The following RPE65 variants were observed in gnomAD, a reference collection of about 807,000 sequenced individuals.
The protein encoded by RPE65 is retinoid isomerohydrolase.
Under a neutral mutation model 68.5 loss-of-function variants are expected in RPE65, and 58 were observed. The ratio of observed to expected loss-of-function variants is 0.85; its 90% CI spans 0.69 to 1.05. The LOEUF (loss-of-function observed/expected upper bound fraction) is 1.05. Ranked by LOEUF, RPE65 falls within the 50% of genes least tolerant of loss-of-function variation. The probability of loss-of-function intolerance (pLI) is 0.00; values close to 1 mark genes in which losing one functional copy is unlikely to be tolerated. For synonymous variants in RPE65, 220 were observed against 222.2 expected (o/e 0.99, Z 0.09); for missense variants, 643 against 629.9 (o/e 1.02, Z -0.22).
chr1:68,446,406 A>AT (rs1645943584), intron 3 of RPE65, among the ~76,000 whole-genome samples: 2 of 152,168 alleles, frequency 1.3e-5, no homozygotes, highest in Admixed American at 1.3e-4. Flanking sequence ...CATTTTACTA[A>AT]TTATAAAACC....
Position 68,429,435 on chromosome 1 carries a change from A to G in RPE65, c.*341T>C, listed in dbSNP as rs74084042. ...TTTGGTTTTTAAATGTTAAAAATAT[A>G]ATTGGAGCAGATAGGTACCTAAAAT... On this transcript the variant is annotated 3_prime_UTR_variant, in exon 14 of 14. Coordinates refer to ENST00000262340, the MANE Select transcript of RPE65 (RefSeq NM_000329.3). 4.8e-3 allele frequency: 1,352 copies of G among 283,492 alleles called. 14 individuals are homozygous for G. The highest frequency in any genetic ancestry group is 0.028 in the African/African-American group (1,243 of 44,500). The allele number at this position is 283,492 out of a possible 1,614,324, so 17.6% of individuals were successfully genotyped here.
chr1:68,448,508 G>A (rs960530106), intron 2 of RPE65, 116 bp downstream of exon 2: 8 of 924,704 alleles, frequency 8.7e-6, no homozygotes, highest in Non-Finnish European at 1.4e-5. Flanking sequence ...CAAACCACCT[G>A]ATCCCTCTCC....
chr1:68,438,163 G>C, intron 10 of RPE65, 24 bp downstream of exon 10: 1 of 1,613,410 alleles, frequency 6.2e-7, no homozygotes, highest in Non-Finnish European at 8.5e-7. Flanking sequence ...GGTTAAATCT[G>C]AAATCTACAG....
Position 68,448,678 on chromosome 1 carries a change from T to C in RPE65, c.40A>G (p.Lys14Glu). ...AGTTCCTCCACAGTTTCAAACAGTT[T>C]CTTGTAACCACCAGCAGGATGCTCA... ...QVEHPAGGYK[K>E]LFETVEELSS... The change falls in exon 2 of 14, where the codon AAA (lysine) becomes GAA (glutamate). Residue 14 changes from lysine to glutamate, a missense_variant. Coordinates refer to ENST00000262340, the MANE Select transcript of RPE65 (RefSeq NM_000329.3). The C allele has an allele frequency of 1.2e-6, 2 of 1,613,762 alleles. No individual in the cohort carries two copies. Among genetic ancestry groups the C allele is most frequent in the Non-Finnish European group, 1.7e-6 (2 of 1,179,906 alleles).
chr1:68,444,969 T>C lies in RPE65; in HGVS notation c.246-86A>G, dbSNP rs1013211877. 7.4e-6 allele frequency: 8 copies of C among 1,082,340 alleles called. No homozygotes were observed. The Middle Eastern group carries it at 6.0e-4, about 82-fold the overall frequency. The allele number at this position is 1,082,340 out of a possible 1,614,324, so 67.0% of individuals were successfully genotyped here. A position where few individuals can be genotyped will look rare whatever the true frequency, so the allele number is the denominator to read the frequency against. On this transcript the variant is annotated intron_variant, in intron 3 of 13. Transcript: ENST00000262340. ...GAGCTTAGAATGGCCATTCTATGTG[T>C]CCTCATCAAGTCACAATCATAAATG...
At chr1:68,446,946 C>T in intron 2 of RPE65, 86 bp from the exon 3 acceptor site, 1 of 1,565,432 alleles carries the variant, frequency 6.4e-7, no homozygotes, top group Non-Finnish European at 8.8e-7. Flanking sequence ...TATCAGCAGC[C>T]TGATTGGGCA....
chr1:68,433,177 T>C (rs1645838501), intron 10 of RPE65, among the ~76,000 whole-genome samples: 1 of 152,064 alleles, frequency 6.6e-6, no homozygotes, highest in South Asian at 2.1e-4. Flanking sequence ...AAGCTAAAAA[T>C]GTAAATGAAT....
intron 2 of RPE65, 146 bp downstream of exon 2, chr1:68,448,478 G>T: frequency 1.4e-6 from 1 of 709,460 alleles, no homozygotes; most frequent in South Asian, 1.6e-5. Context: ...AAAGAAAATG[G>T]GTTCTTGCTA....
intron 5 of RPE65, among the ~76,000 whole-genome samples, chr1:68,444,218 A>C (rs1645925156): frequency 6.6e-6 from 1 of 152,220 alleles, no homozygotes; most frequent in African/African-American, 2.4e-5. Context: ...GGTTCTCTCC[A>C]ATCCATGTAA....
At chr1:68,446,618 C>T (rs1348314195) in intron 3 of RPE65, 92 bp downstream of exon 3, 1 of 1,512,430 alleles carries the variant, frequency 6.6e-7, no homozygotes. Context: ...TATAGGTTGC[C>T]TCCTGAGTTC....
intron 2 of RPE65, among the ~76,000 whole-genome samples, chr1:68,447,290 G>T (rs778570618): frequency 6.6e-5 from 10 of 152,170 alleles, no homozygotes; most frequent in Non-Finnish European, 1.0e-4. Context: ...ATTTTAAAAA[G>T]ATGTGTCTAT....
At chr1:68,432,298 T>C (rs995999797) in intron 10 of RPE65, among the ~76,000 whole-genome samples, 14 of 152,084 alleles carry the variant, frequency 9.2e-5, no homozygotes, top group African/African-American at 3.1e-4. Flanking sequence ...TTCAAGGAGA[T>C]ATACAATAAA....
chr1:68,432,348 GA>G (rs1415343577), intron 10 of RPE65, among the ~76,000 whole-genome samples: 3 of 152,038 alleles, frequency 2.0e-5, no homozygotes, highest in African/African-American at 7.2e-5. Context: ...AAATGTGGGG[GA>G]AAAATAGAAT....
intron 10 of RPE65, among the ~76,000 whole-genome samples, chr1:68,435,374 TC>T (rs374114711): frequency 0.023 from 3,484 of 152,090 alleles, 137 homozygotes; most frequent in African/African-American, 0.081. Context: ...AAATATGATT[TC>T]CCCCCCTGCC....
intron 13 of RPE65, 105 bp downstream of exon 13, chr1:68,430,960 C>T: frequency 1.2e-6 from 1 of 860,866 alleles, no homozygotes; most frequent in Non-Finnish European, 2.0e-6. Context: ...TATTAAGGAT[C>T]GTTTTTGAGT....
rs756125943 is a variant in RPE65 at position 68,439,015 on chromosome 1, AAGG to A, written c.922_924del (p.Pro308del). 2 of 1,614,008 alleles carry A rather than the reference AAGG, an allele frequency of 1.2e-6. No individual in the cohort carries two copies. Among genetic ancestry groups the A allele is most frequent in the Non-Finnish European group, 1.7e-6 (2 of 1,179,980 alleles). ...GTGTTGATGTGATGGAAGAGGTTGA[AAGG>A]AGAAGTTCTGTATTTATTATTGAGG... On this transcript the variant is annotated inframe_deletion, in exon 9 of 14. Coordinates refer to ENST00000262340, the MANE Select transcript of RPE65 (RefSeq NM_000329.3).
At chr1:68,435,151 G>A (rs1411892979) in intron 10 of RPE65, among the ~76,000 whole-genome samples, 1 of 152,016 alleles carries the variant, frequency 6.6e-6, no homozygotes, top group Admixed American at 6.6e-5. Context: ...CTCTCTCTTA[G>A]TAGGAACTAG....
rs1645802334 is a variant in RPE65, at chr1:68,429,185, T to G, written c.*591A>C. The G allele has an allele frequency of 6.6e-6, 1 of 152,452 alleles. No individual in the cohort carries two copies. Among genetic ancestry groups the G allele is most frequent in the South Asian group, 2.1e-4 (1 of 4,836 alleles). The allele number at this position is 152,452 out of a possible 1,614,324, so 9.4% of individuals were successfully genotyped here. A position where few individuals can be genotyped will look rare whatever the true frequency, so the allele number is the denominator to read the frequency against. On this transcript the variant is annotated 3_prime_UTR_variant, in exon 14 of 14. Coordinates refer to ENST00000262340, the MANE Select transcript of RPE65 (RefSeq NM_000329.3). ...AAACACAGATTTTCTTATTATAAAA[T>G]CAGAAATAATAGTACTTGCTTGTAA...
chr1:68,435,015 C>G (rs1431842752), intron 10 of RPE65, among the ~76,000 whole-genome samples: 4 of 152,182 alleles, frequency 2.6e-5, no homozygotes, highest in Non-Finnish European at 5.9e-5. Context: ...TGACTTCTGT[C>G]TCTCTCACTC....
Sources: allele counts gnomAD v4.1 joint callset (sites outside exome capture counted in the v4.1 genomes callset), GRCh38; gene constraint gnomAD v4.1.1; transcripts MANE v1.5; gene names NCBI Gene and HGNC (gene_info 2026-07-23, HGNC 2026-07-21).